SORBS3: variants seen among roughly 807,000 people sequenced by gnomAD.
SORBS3 encodes vinexin.
In SORBS3, 69 loss-of-function variants were observed where a neutral mutation model predicts 98.0. That is an observed-to-expected ratio of 0.70 (90% CI 0.58 to 0.86). The LOEUF (loss-of-function observed/expected upper bound fraction) is 0.86. Ranked by LOEUF, SORBS3 falls within the 40% of genes least tolerant of loss-of-function variation. SORBS3 has a pLI of 0.00. For synonymous variants in SORBS3, 394 were observed against 355.4 expected, an observed-to-expected ratio of 1.11 and a Z score of -1.22; for missense variants, 954 against 908.5, an observed-to-expected ratio of 1.05 and a Z score of -0.64.
chr8:22,565,944 CG>C, intron 12 of SORBS3, 72 bp downstream of exon 12: 1 of 1,035,314 alleles, frequency 9.7e-7, no homozygotes, highest in Non-Finnish European at 1.2e-6. Context: ...CGCGGCCGGG[CG>C]GGGCGGACGG....
chr8:22,546,514 C>G (rs1840017595), intron 1 of SORBS3, among the ~76,000 whole-genome samples: 1 of 152,190 alleles, frequency 6.6e-6, no homozygotes, highest in African/African-American at 2.4e-5. Context: ...TTCTGTTTCT[C>G]CCAACTCAGA....
chr8:22,557,382 G>A (rs143879342), intron 4 of SORBS3, among the ~76,000 whole-genome samples: 2 of 152,266 alleles, frequency 1.3e-5, no homozygotes, highest in East Asian at 3.9e-4. Context: ...ATCCACCTTT[G>A]TGTCTTGAGC....
In SORBS3 at chr8:22,574,921, G is replaced by T. The variant is rs756580182; in HGVS notation, c.*193G>T. 3 of 693,330 alleles carry T rather than the reference G, an allele frequency of 4.3e-6. No individual in the cohort carries two copies. The highest frequency in any genetic ancestry group is 5.3e-6 in the Non-Finnish European group (2 of 379,930). 42.9% of individuals were successfully genotyped at this position (693,330 alleles called of 1,614,324 possible). A position where few individuals can be genotyped will look rare whatever the true frequency, so the allele number is the denominator to read the frequency against. On this transcript the variant is annotated 3_prime_UTR_variant, in exon 21 of 21. Coordinates refer to ENST00000240123, the MANE Select transcript of SORBS3 (RefSeq NM_005775.5). ...ACTGATTCCCACCCACGACTCACAG[G>T]CATTCCTCCCACAGCCCTTTCATTT...
chr8:22,549,312 C>T (rs565678134), upstream of SORBS3, among the ~76,000 whole-genome samples: 3 of 152,272 alleles, frequency 2.0e-5, no homozygotes, highest in African/African-American at 2.4e-5. Context: ...GACAGCCAGC[C>T]GGCCAGCCGC....
At chr8:22,564,243 A>G (rs1840355686) in intron 8 of SORBS3, 40 bp from the exon 9 acceptor site, 2 of 1,544,234 alleles carry the variant, frequency 1.3e-6, no homozygotes, top group African/African-American at 1.4e-5. Context: ...GTGTCCCAGT[A>G]GCCCTCTTCA....
At position 22,565,830 on chromosome 8, in the gene SORBS3, C is replaced by A. The variant is rs940720429; in HGVS notation, c.908C>A (p.Ser303Ter). ...TTGCGCCGTTTCCCCGCGCAGAGCT[C>A]GCCGGCGCCCCGACGGGCCCCGGAG... ...IETRLPSPKS[S>*]PAPRRAPEQR... The change falls in exon 12 of 21, where the codon TCG becomes TAG. Residue 303 changes from serine (S) to a stop codon, truncating the protein, a stop_gained. Coordinates refer to ENST00000240123, the MANE Select transcript of SORBS3 (RefSeq NM_005775.5). LOFTEE classifies it high-confidence loss of function. The A allele has an allele frequency of 1.5e-6, 2 of 1,304,448 alleles. No individual in the cohort carries two copies. The highest frequency in any genetic ancestry group is 1.5e-5 in the African/African-American group (1 of 64,686). The allele number at this position is 1,304,448 out of a possible 1,614,324, so 80.8% of individuals were successfully genotyped here.
In SORBS3 at chr8:22,561,922, C is replaced by T; in HGVS notation, c.575C>T (p.Ser192Phe). ...RPAHRPGPATSSSGRSWDHSE... is the reference protein window; with the variant it reads ...RPAHRPGPATFSSGRSWDHSE... Reference sequence around the variant, plus strand: ...GCCCACAGGCCCGGCCCGGCAACATCTTCCAGTGGGTGAGCACAGTGGGGC... The same window carrying T: ...GCCCACAGGCCCGGCCCGGCAACATTTTCCAGTGGGTGAGCACAGTGGGGC... Residue 192 changes from serine to phenylalanine, a missense_variant, in exon 7 of 21, where the codon TCT becomes TTT. Ser to Phe is a radical substitution (Grantham distance 155). Coordinates refer to ENST00000240123, the MANE Select transcript of SORBS3 (RefSeq NM_005775.5). The T allele has an allele frequency of 6.2e-7, 1 of 1,614,100 alleles. No individual in the cohort carries two copies.
chr8:22,565,133 C>A (rs1458365272), intron 10 of SORBS3, 135 bp from the exon 11 acceptor site: 1 of 1,470,206 alleles, frequency 6.8e-7, no homozygotes, highest in South Asian at 1.4e-5. Flanking sequence ...CTGGCAGGAG[C>A]CCGGCCCGTG....
intron 19 of SORBS3, 63 bp from the exon 20 acceptor site, chr8:22,572,277 C>CG: frequency 2.2e-6 from 3 of 1,351,292 alleles, no homozygotes; most frequent in Non-Finnish European, 3.2e-6. Context: ...TCACAGGAAG[C>CG]GGCAACACTT....
chr8:22,566,007 G>C, intron 12 of SORBS3, 135 bp downstream of exon 12: 1 of 628,034 alleles, frequency 1.6e-6, no homozygotes, highest in Non-Finnish European at 2.3e-6. Context: ...AGCCGTGTCC[G>C]GGAGGGACCG....
chr8:22,565,816 C>A lies in SORBS3; in HGVS notation c.904-10C>A. Reference sequence around the variant, plus strand: ...GTCGCGGGCCCTGATTGCGCCGTTTCCCCGCGCAGAGCTCGCCGGCGCCCC... The same window carrying A: ...GTCGCGGGCCCTGATTGCGCCGTTTACCCGCGCAGAGCTCGCCGGCGCCCC... On this transcript the variant is annotated splice_polypyrimidine_tract_variant and intron_variant, in intron 11 of 20. Transcript: ENST00000240123. 7.6e-7 allele frequency: 1 copy of A among 1,316,648 alleles called. No homozygotes were observed. Among genetic ancestry groups the A allele is most frequent in the South Asian group, 2.0e-5 (1 of 50,046 alleles). 81.6% of individuals were successfully genotyped at this position (1,316,648 alleles called of 1,614,324 possible). A position where few individuals can be genotyped will look rare whatever the true frequency, so the allele number is the denominator to read the frequency against.
Position 22,565,230 on chromosome 8 carries a change from G to A in SORBS3, c.817-38G>A, listed in dbSNP as rs371976990. On this transcript the variant is annotated intron_variant, in intron 10 of 20. Coordinates refer to ENST00000240123, the MANE Select transcript of SORBS3 (RefSeq NM_005775.5). Reference sequence around the variant, plus strand: ...GACCGCTGCCTCCCACCCCCACGGTGCGCTGCCCCTCACTGCCCAGCCTCT... The same window carrying A: ...GACCGCTGCCTCCCACCCCCACGGTACGCTGCCCCTCACTGCCCAGCCTCT... The A allele has an allele frequency of 3.9e-5, 60 of 1,519,454 alleles. No homozygotes were observed. The African/African-American group carries it at 6.9e-4, about 17-fold the overall frequency. 94.1% of individuals were successfully genotyped at this position (1,519,454 alleles called of 1,614,324 possible). A position where few individuals can be genotyped will look rare whatever the true frequency, so the allele number is the denominator to read the frequency against.
At chr8:22,565,552 A>T (rs1190114884) in intron 11 of SORBS3, 198 bp downstream of exon 11, 1 of 577,648 alleles carries the variant, frequency 1.7e-6, no homozygotes, top group Non-Finnish European at 2.6e-6. Context: ...CGACTTTCGC[A>T]AGTGACCCCG....
At chr8:22,570,265 G>A (rs1840538745) in intron 17 of SORBS3, among the ~76,000 whole-genome samples, 1 of 152,210 alleles carries the variant, frequency 6.6e-6, no homozygotes, top group Admixed American at 6.5e-5. Context: ...GAGGACAGGG[G>A]AAGGCAAGGG....
intron 20 of SORBS3, among the ~76,000 whole-genome samples, chr8:22,574,170 T>G (rs981812490): frequency 2.2e-5 from 3 of 135,302 alleles, no homozygotes; most frequent in African/African-American, 6.5e-5. Context: ...CCCGCTGGGG[T>G]TCCCCCCCCT....
At chr8:22,567,204 G>A in intron 16 of SORBS3, 29 bp downstream of exon 16, 1 of 1,522,710 alleles carries the variant, frequency 6.6e-7, no homozygotes, top group Non-Finnish European at 9.1e-7. Context: ...AGCAAGTGGG[G>A]CTGGGCTGGG....
chr8:22,564,175 A>T (rs1321896626), intron 8 of SORBS3, 98 bp downstream of exon 8: 4 of 1,489,168 alleles, frequency 2.7e-6, no homozygotes, highest in Non-Finnish European at 2.8e-6. Flanking sequence ...CCCTTGGAGG[A>T]CACCGTGGGC....
intron 1 of SORBS3, among the ~76,000 whole-genome samples, chr8:22,546,891 G>A (rs1357295035): frequency 6.6e-6 from 1 of 152,154 alleles, no homozygotes; most frequent in Non-Finnish European, 1.5e-5. Flanking sequence ...GGGAATTGGG[G>A]ATAGGGAAAG....
At chr8:22,559,064 T>C (rs1840243068) in intron 5 of SORBS3, among the ~76,000 whole-genome samples, 1 of 152,216 alleles carries the variant, frequency 6.6e-6, no homozygotes, top group Non-Finnish European at 1.5e-5. Context: ...GAGGAGCCAC[T>C]GAGCGGAAGA....
Sources: allele counts gnomAD v4.1 joint callset (sites outside exome capture counted in the v4.1 genomes callset), GRCh38; gene constraint gnomAD v4.1.1; transcripts MANE v1.5; gene names NCBI Gene and HGNC (gene_info 2026-07-23, HGNC 2026-07-21).